Variants in SUGCT observed in about 807,000 individuals in gnomAD.
SUGCT encodes the protein succinyl-CoA:glutarate-CoA transferase.
Under a neutral mutation model 55.0 loss-of-function variants are expected in SUGCT, and 41 were observed. The ratio of observed to expected loss-of-function variants is 0.74; its 90% confidence interval spans 0.58 to 0.97. The LOEUF is 0.97. Among genes scored for constraint, SUGCT ranks in the 50% least tolerant of loss-of-function variants. The pLI, the probability that SUGCT is intolerant of heterozygous loss-of-function variation, is 0.00. For synonymous variants in SUGCT, 187 were observed against 200.4 expected (o/e 0.93, Z 0.56); for missense variants, 568 against 547.8 (o/e 1.04, Z -0.37).
intron 10 of SUGCT, among the ~76,000 whole-genome samples, chr7:40,458,601 G>C (rs1174807693): frequency 6.6e-6 from 1 of 152,114 alleles, no homozygotes; most frequent in Non-Finnish European, 1.5e-5. Context: ...TTCTGCATAG[G>C]ACAACCTGGG....
the SUGCT span, among the ~76,000 whole-genome samples, chr7:40,999,089 G>A: frequency 6.6e-5 from 10 of 152,264 alleles, no homozygotes; most frequent in Admixed American, 2.6e-4. Flanking sequence ...GTGAGCTGCC[G>A]AAGTGACACA....
chr7:40,843,031 CTCAA>C (rs1425329762), intron 13 of SUGCT, among the ~76,000 whole-genome samples: 1 of 152,184 alleles, frequency 6.6e-6, no homozygotes, highest in Non-Finnish European at 1.5e-5. Flanking sequence ...CTTGGTTAAA[CTCAA>C]TCAGTCCCTC....
At chr7:40,611,126 A>G (rs1488770525) in intron 12 of SUGCT, among the ~76,000 whole-genome samples, 1 of 152,046 alleles carries the variant, frequency 6.6e-6, no homozygotes, top group Non-Finnish European at 1.5e-5. Flanking sequence ...TCACTCATAC[A>G]GTTTTTTAGT....
chr7:40,764,315 A>G (rs1788672282), intron 13 of SUGCT, among the ~76,000 whole-genome samples: 1 of 152,150 alleles, frequency 6.6e-6, no homozygotes, highest in Non-Finnish European at 1.5e-5. Flanking sequence ...TCACATTTCT[A>G]TTTATGGGAC....
intron 12 of SUGCT, among the ~76,000 whole-genome samples, chr7:40,736,846 C>T (rs569783392): frequency 2.6e-5 from 4 of 151,882 alleles, no homozygotes; most frequent in Non-Finnish European, 5.9e-5. Flanking sequence ...TTACTATGAA[C>T]AGATGAGTAA....
At chr7:40,870,697 T>C in the SUGCT span, among the ~76,000 whole-genome samples, 1 of 152,240 alleles carries the variant, frequency 6.6e-6, no homozygotes, top group South Asian at 2.1e-4. Context: ...CTTAAACAAT[T>C]ATTTGGTATT....
chr7:40,684,202 C>A, intron 12 of SUGCT: 5 of 1,505,636 alleles, frequency 3.3e-6, no homozygotes, highest in Non-Finnish European at 4.4e-6. Context: ...AGGATAATTT[C>A]TCCATATCAA....
At chr7:40,609,523 C>T (rs932757351) in intron 12 of SUGCT, among the ~76,000 whole-genome samples, 12 of 149,680 alleles carry the variant, frequency 8.0e-5, no homozygotes, top group Non-Finnish European at 8.9e-5. Context: ...GCAGATTGCA[C>T]CTGGGCAACA....
At chr7:40,489,167 A>G (rs938818873) in intron 11 of SUGCT, among the ~76,000 whole-genome samples, 3 of 149,410 alleles carry the variant, frequency 2.0e-5, no homozygotes, top group African/African-American at 4.9e-5. Context: ...CACTGCCCGT[A>G]TATTTTCAAA....
At chr7:40,749,918 G>A (rs1381186731) in intron 13 of SUGCT, among the ~76,000 whole-genome samples, 1 of 152,198 alleles carries the variant, frequency 6.6e-6, no homozygotes, top group Non-Finnish European at 1.5e-5. Context: ...TCAGGCTCGG[G>A]CATTTTCTTT....
At chr7:40,693,670 G>C (rs1033483605) in intron 12 of SUGCT, among the ~76,000 whole-genome samples, 1 of 152,142 alleles carries the variant, frequency 6.6e-6, no homozygotes, top group Non-Finnish European at 1.5e-5. Flanking sequence ...ATAAATATCA[G>C]CCAGTCAAGA....
At chr7:40,400,444 C>T (rs1369418791) in intron 9 of SUGCT, among the ~76,000 whole-genome samples, 1 of 152,100 alleles carries the variant, frequency 6.6e-6, no homozygotes, top group Non-Finnish European at 1.5e-5. Context: ...TGCATGTATC[C>T]TTTTAATATA....
chr7:40,506,951 C>T (rs1003565250), intron 12 of SUGCT, among the ~76,000 whole-genome samples: 1 of 152,116 alleles, frequency 6.6e-6, no homozygotes, highest in Admixed American at 6.6e-5. Context: ...TGTCAACATA[C>T]CTTCCTTTAC....
chr7:40,171,347 C>T (rs752856889), intron 1 of SUGCT, among the ~76,000 whole-genome samples: 9 of 152,282 alleles, frequency 5.9e-5, no homozygotes, highest in East Asian at 1.9e-4. Flanking sequence ...TTTCCTAACT[C>T]GCTTTTACAA....
chr7:40,824,400 G>A (rs1792203769), intron 13 of SUGCT, among the ~76,000 whole-genome samples: 1 of 152,104 alleles, frequency 6.6e-6, no homozygotes, highest in African/African-American at 2.4e-5. Flanking sequence ...GGGAGGAGGG[G>A]AAAAACATCA....
chr7:40,479,220 G>A (rs1053041390), intron 11 of SUGCT, among the ~76,000 whole-genome samples: 1 of 151,980 alleles, frequency 6.6e-6, no homozygotes, highest in Non-Finnish European at 1.5e-5. Flanking sequence ...TTGAGATACC[G>A]GTTCATATCT....
the SUGCT span, among the ~76,000 whole-genome samples, chr7:41,028,082 G>A: frequency 3.9e-5 from 6 of 152,294 alleles, no homozygotes; most frequent in South Asian, 1.2e-3. Context: ...AGTCCTTGGT[G>A]GGTGCTAAGG....
chr7:40,593,106 G>GGCCA (rs1320762254), intron 12 of SUGCT, among the ~76,000 whole-genome samples: 6 of 152,106 alleles, frequency 3.9e-5, no homozygotes, highest in Non-Finnish European at 8.8e-5. Context: ...TGAAGGATAT[G>GGCCA]GCCAGGTAAG....
chr7:40,540,028 A>G (rs1043377032), intron 12 of SUGCT, among the ~76,000 whole-genome samples: 1 of 152,242 alleles, frequency 6.6e-6, no homozygotes, highest in African/African-American at 2.4e-5. Flanking sequence ...GAACTCACAC[A>G]GAAATAAGTG....
Sources: allele counts gnomAD v4.1 joint callset (sites outside exome capture counted in the v4.1 genomes callset), GRCh38; gene constraint gnomAD v4.1.1; transcripts MANE v1.5; gene names NCBI Gene and HGNC (gene_info 2026-07-23, HGNC 2026-07-21).